Variants in MAGI2 observed in about 807,000 individuals in gnomAD.
MAGI2 encodes membrane-associated guanylate kinase, WW and PDZ domain-containing protein 2.
A neutral mutation model predicts 133.3 loss-of-function variants in MAGI2; 35 were observed. The observed-to-expected ratio is 0.26, with a 90% CI of 0.20 to 0.35. The LOEUF is 0.35. Ranked by LOEUF, MAGI2 falls within the 10% of genes least tolerant of loss-of-function variation. The pLI is 1.00. For missense variants in MAGI2, 1,636 were observed against 1,863.4 expected, an observed-to-expected ratio of 0.88 and a Z score of 2.25; for synonymous variants, 729 against 710.6, an observed-to-expected ratio of 1.03 and a Z score of -0.41.
chr7:78,504,432 G>C (rs1010405581), intron 4 of MAGI2, among the ~76,000 whole-genome samples: 3 of 152,100 alleles, frequency 2.0e-5, no homozygotes, highest in Non-Finnish European at 4.4e-5. Context: ...TTGGGGAAGA[G>C]TAGAGCAGGT....
intron 2 of MAGI2, among the ~76,000 whole-genome samples, chr7:78,906,803 T>C (rs528135242): frequency 1.3e-4 from 20 of 152,204 alleles, no homozygotes; most frequent in African/African-American, 4.8e-4. Flanking sequence ...CACACACACA[T>C]ACACACATAT....
intron 6 of MAGI2, among the ~76,000 whole-genome samples, chr7:78,443,890 T>C (rs1250902030): frequency 6.6e-6 from 1 of 152,110 alleles, no homozygotes; most frequent in Non-Finnish European, 1.5e-5. Context: ...CTCTTTCTTT[T>C]CTTAGGAAGT....
At chr7:78,157,215 C>G (rs1056875824) in intron 16 of MAGI2, among the ~76,000 whole-genome samples, 1 of 152,102 alleles carries the variant, frequency 6.6e-6, no homozygotes, top group African/African-American at 2.4e-5. Context: ...CCACAGAGCA[C>G]GGGGCAACTT....
chr7:78,662,456 C>T (rs1251081493), intron 2 of MAGI2, among the ~76,000 whole-genome samples: 1 of 152,188 alleles, frequency 6.6e-6, no homozygotes, highest in Non-Finnish European at 1.5e-5. Context: ...ATCTTAGCAA[C>T]ACTTTGCTGA....
At chr7:78,728,413 T>C (rs1859327) in intron 2 of MAGI2, among the ~76,000 whole-genome samples, 86,757 of 151,864 alleles carry the variant, frequency 0.57, 25,003 homozygotes, top group Admixed American at 0.64. Context: ...TCTTACTCTA[T>C]GGAACTCAAA....
intron 9 of MAGI2, among the ~76,000 whole-genome samples, chr7:78,336,784 GAAAGAAGAAA>G: frequency 1.1e-5 from 1 of 92,236 alleles, no homozygotes; most frequent in South Asian, 4.5e-4. Flanking sequence ...AAGAAGAAAA[GAAAGAAGAAA>G]AAAAGAAGAG....
At chr7:78,496,891 C>T (rs894662949) in intron 5 of MAGI2, among the ~76,000 whole-genome samples, 3 of 152,118 alleles carry the variant, frequency 2.0e-5, no homozygotes, top group African/African-American at 2.4e-5. Context: ...GGACATAATA[C>T]ATGACCAATA....
chr7:78,419,234 T>G (rs1798572979), intron 6 of MAGI2, among the ~76,000 whole-genome samples: 1 of 152,112 alleles, frequency 6.6e-6, no homozygotes. Flanking sequence ...TTTCACAAAC[T>G]ACAAAGAGGG....
chr7:79,057,722 C>T (rs531233071), intron 1 of MAGI2, among the ~76,000 whole-genome samples: 18 of 152,168 alleles, frequency 1.2e-4, no homozygotes, highest in South Asian at 4.2e-4. Flanking sequence ...TTCCGAGAAC[C>T]GATTCACATC....
At position 79,287,406 on chromosome 7, in the gene MAGI2, T is replaced by G. The variant is rs370589608; in HGVS notation, c.301+165614A>C. Among the ~76,000 whole-genome samples, 5 of 152,088 alleles carry G rather than the reference T, an allele frequency of 3.3e-5. No homozygotes were observed. The East Asian group carries it at 7.7e-4, about 23-fold the overall frequency. On this transcript the variant is annotated intron_variant, in intron 1 of 21. Coordinates refer to ENST00000354212, the MANE Select transcript of MAGI2 (RefSeq NM_012301.4). Reference sequence around the variant, plus strand: ...CAGTGTTGTCCAAATATATTTCACCTTAGACGCCTCCCTCCCAACAGCCAT... The same window carrying G: ...CAGTGTTGTCCAAATATATTTCACCGTAGACGCCTCCCTCCCAACAGCCAT...
At chr7:79,359,703 C>T (rs1040331090) in intron 1 of MAGI2, among the ~76,000 whole-genome samples, 5 of 139,292 alleles carry the variant, frequency 3.6e-5, no homozygotes, top group African/African-American at 1.4e-4. Context: ...CACACACACA[C>T]ACACACACAC....
At chr7:78,536,673 C>A (rs1037735406) in intron 3 of MAGI2, among the ~76,000 whole-genome samples, 27 of 151,886 alleles carry the variant, frequency 1.8e-4, no homozygotes, top group African/African-American at 6.5e-4. Flanking sequence ...TGGAAATAAG[C>A]AATCTTGGAC....
intron 2 of MAGI2, among the ~76,000 whole-genome samples, chr7:78,805,322 T>C (rs2151393641): frequency 6.6e-6 from 1 of 152,034 alleles, no homozygotes; most frequent in South Asian, 2.1e-4. Flanking sequence ...TAATATTTCT[T>C]ATTATCACTT....
At chr7:78,911,159 G>C (rs1225975755) in intron 2 of MAGI2, among the ~76,000 whole-genome samples, 1 of 152,126 alleles carries the variant, frequency 6.6e-6, no homozygotes, top group Non-Finnish European at 1.5e-5. Context: ...TGCAAGCTCA[G>C]AATATCCCTA....
intron 17 of MAGI2, 65 bp downstream of exon 17, chr7:78,134,956 G>A: frequency 6.9e-7 from 1 of 1,457,454 alleles, no homozygotes; most frequent in South Asian, 1.2e-5. Flanking sequence ...CGGGCAGGCT[G>A]AGAACACCCG....
At position 78,017,679 on chromosome 7, in the gene MAGI2, G is replaced by A. The variant is rs1397353630; in HGVS notation, c.*1636C>T. ...CAAGATCCTTCACTTGAGGCTTTCA[G>A]CCTTATTCTCCTCCTGTCAAACAAC... On this transcript the variant is annotated 3_prime_UTR_variant, in exon 22 of 22. Coordinates refer to ENST00000354212, the MANE Select transcript of MAGI2 (RefSeq NM_012301.4). The A allele has an allele frequency of 6.6e-6, 1 of 152,620 alleles. No individual in the cohort carries two copies. Among genetic ancestry groups the A allele is most frequent in the African/African-American group, 2.4e-5 (1 of 41,442 alleles). 9.5% of individuals were successfully genotyped at this position (152,620 alleles called of 1,614,324 possible). A position where few individuals can be genotyped will look rare whatever the true frequency, so the allele number is the denominator to read the frequency against.
At chr7:78,901,569 G>A (rs2151593299) in intron 2 of MAGI2, 1 of 152,184 alleles carries the variant, frequency 6.6e-6, no homozygotes, top group South Asian at 2.1e-4. Context: ...AAGCACTTTG[G>A]TTATTTTGGT....
intron 21 of MAGI2, among the ~76,000 whole-genome samples, chr7:78,028,848 CAAAAAA>C (rs56201811): frequency 1.2e-5 from 1 of 84,448 alleles, no homozygotes. Flanking sequence ...GACTCCATCT[CAAAAAA>C]AAAAAAAAAA....
chr7:79,085,811 T>C (rs1254102704), intron 1 of MAGI2, among the ~76,000 whole-genome samples: 1 of 151,928 alleles, frequency 6.6e-6, no homozygotes, highest in Non-Finnish European at 1.5e-5. Flanking sequence ...TTCCTTACAT[T>C]CTTTGAATCA....
Sources: allele counts gnomAD v4.1 joint callset (sites outside exome capture counted in the v4.1 genomes callset), GRCh38; gene constraint gnomAD v4.1.1; transcripts MANE v1.5; gene names NCBI Gene and HGNC (gene_info 2026-07-23, HGNC 2026-07-21).